The following UNC13C variants were observed in gnomAD, a reference collection of about 807,000 sequenced individuals.
UNC13C encodes protein unc-13 homolog C.
Under a neutral mutation model 245.4 loss-of-function variants are expected in UNC13C, and 174 were observed. The observed-to-expected ratio is 0.71, with a 90% CI of 0.63 to 0.80. The LOEUF (loss-of-function observed/expected upper bound fraction) is 0.80. UNC13C is among the 30% of genes least tolerant of loss of function. The pLI is 0.00. For missense variants in UNC13C, 2,829 were observed against 2,602.9 expected (o/e 1.09, Z -1.89); for synonymous variants, 992 against 895.1 (o/e 1.11, Z -1.93).
chr15:53,864,157 C>T, the UNC13C span, among the ~76,000 whole-genome samples: 1 of 152,116 alleles, frequency 6.6e-6, no homozygotes, highest in Non-Finnish European at 1.5e-5. Flanking sequence ...GTCTCTAGGT[C>T]TTTTTCCAAG....
chr15:54,250,193 C>A, intron 7 of UNC13C, 32 bp from the exon 8 acceptor site: 1 of 1,576,054 alleles, frequency 6.3e-7, no homozygotes, highest in Non-Finnish European at 8.7e-7. Flanking sequence ...ACTGACTTGG[C>A]GGTGCATTGG....
intron 4 of UNC13C, among the ~76,000 whole-genome samples, chr15:54,199,644 CA>C (rs1256113484): frequency 6.6e-6 from 1 of 152,102 alleles, no homozygotes; most frequent in Non-Finnish European, 1.5e-5. Flanking sequence ...CAAATGCTGA[CA>C]GAATTTGCCA....
rs140445387 is a variant in UNC13C at position 54,452,578 on chromosome 15, G to C, written c.4933+37511G>C. ...CAAGATTCCTGGACAGCATGCTCAG[G>C]TACTAGGGGAAGTTGGAGAAAGCCA... On this transcript the variant is annotated intron_variant, in intron 19 of 32. Transcript: ENST00000260323. Among the ~76,000 whole-genome samples the C allele has an allele frequency of 3.9e-5, 6 of 152,318 alleles. No homozygotes were observed. The East Asian group carries it at 9.7e-4, about 25-fold the overall frequency.
intron 19 of UNC13C, among the ~76,000 whole-genome samples, chr15:54,444,383 T>A (rs573623049): frequency 6.6e-6 from 1 of 151,708 alleles, no homozygotes; most frequent in African/African-American, 2.4e-5. Context: ...GTATATGTCT[T>A]TTCCATTCCT....
At chr15:54,582,055 A>G (rs899334476) in intron 30 of UNC13C, among the ~76,000 whole-genome samples, 1 of 151,926 alleles carries the variant, frequency 6.6e-6, no homozygotes, top group Non-Finnish European at 1.5e-5. Context: ...GAAGGAAAGA[A>G]GGAAGGAATT....
At chr15:54,204,131 T>C (rs967786024) in intron 4 of UNC13C, among the ~76,000 whole-genome samples, 2 of 151,406 alleles carry the variant, frequency 1.3e-5, no homozygotes, top group Non-Finnish European at 3.0e-5. Context: ...ACACTGAACT[T>C]TGGGGACTCG....
chr15:54,564,294 C>T (rs1034194901), intron 29 of UNC13C, among the ~76,000 whole-genome samples: 18 of 151,974 alleles, frequency 1.2e-4, no homozygotes, highest in African/African-American at 2.2e-4. Context: ...GAGACTTTAA[C>T]GGAATAACAA....
At chr15:54,603,713 A>T (rs1899586066) in intron 30 of UNC13C, among the ~76,000 whole-genome samples, 1 of 152,030 alleles carries the variant, frequency 6.6e-6, no homozygotes, top group Non-Finnish European at 1.5e-5. Flanking sequence ...AAAATACAAA[A>T]ATTAGCCAGG....
intron 13 of UNC13C, among the ~76,000 whole-genome samples, chr15:54,305,706 C>T (rs576011256): frequency 2.0e-5 from 3 of 152,076 alleles, no homozygotes; most frequent in Admixed American, 6.6e-5. Flanking sequence ...AGTACTTCCT[C>T]TTAATTCTTA....
chr15:54,189,468 G>T (rs2034107495), intron 4 of UNC13C, among the ~76,000 whole-genome samples: 1 of 152,048 alleles, frequency 6.6e-6, no homozygotes, highest in Non-Finnish European at 1.5e-5. Flanking sequence ...AGGAAAATGA[G>T]CTCCACAAGT....
At chr15:53,976,453 TTCTTTCTC>T (rs1370373956), upstream of UNC13C, among the ~76,000 whole-genome samples, 1 of 128,264 alleles carries the variant, frequency 7.8e-6, no homozygotes, top group Non-Finnish European at 1.7e-5. Flanking sequence ...TTTTTTTTTC[TTCTTTCTC>T]TCTCTCTCTC....
intron 4 of UNC13C, among the ~76,000 whole-genome samples, chr15:54,187,425 A>G (rs1001052223): frequency 5.4e-5 from 8 of 148,112 alleles, no homozygotes; most frequent in Non-Finnish European, 1.2e-4. Context: ...CAAAACCATT[A>G]ATAAAAAGGC....
chr15:54,394,698 GAAGA>G (rs2040034792), intron 18 of UNC13C, among the ~76,000 whole-genome samples: 3 of 151,802 alleles, frequency 2.0e-5, no homozygotes, highest in African/African-American at 4.8e-5. Flanking sequence ...TCAGTTCTAT[GAAGA>G]AACTTTGGCT....
At chr15:54,220,467 G>T (rs2035189259) in intron 4 of UNC13C, among the ~76,000 whole-genome samples, 1 of 123,398 alleles carries the variant, frequency 8.1e-6, no homozygotes. Context: ...GAGGGGGGAG[G>T]GATAGCATTA....
At chr15:54,152,813 T>C (rs2032578550) in intron 4 of UNC13C, among the ~76,000 whole-genome samples, 2 of 152,014 alleles carry the variant, frequency 1.3e-5, no homozygotes, top group Admixed American at 1.3e-4. Context: ...CTGTAATTGA[T>C]AATGGCTGTT....
chr15:54,483,747 G>C (rs5017622), intron 19 of UNC13C, among the ~76,000 whole-genome samples: 1 of 151,932 alleles, frequency 6.6e-6, no homozygotes, highest in Non-Finnish European at 1.5e-5. Context: ...GAGCCACTGC[G>C]CCCAGCCCTG....
intron 17 of UNC13C, among the ~76,000 whole-genome samples, chr15:54,384,930 A>T (rs1276191754): frequency 6.6e-6 from 1 of 152,192 alleles, no homozygotes; most frequent in African/African-American, 2.4e-5. Context: ...ACTAATCATC[A>T]GGGAAATGCA....
rs201155701 is a variant in UNC13C, at chr15:54,185,794, G to A, written c.3071+42110G>A. On this transcript the variant is annotated intron_variant, in intron 4 of 32. Coordinates refer to ENST00000260323, the MANE Select transcript of UNC13C (RefSeq NM_001080534.3). ...ATATGAACTTTAAAGTAGTTTTTTCGAATTCTGTGAAGAAAGTCACTGGTA... is the reference window on the plus strand; with the variant it reads ...ATATGAACTTTAAAGTAGTTTTTTCAAATTCTGTGAAGAAAGTCACTGGTA... Among the ~76,000 whole-genome samples the A allele has an allele frequency of 9.6e-4, 145 of 150,894 alleles. 1 individual carries two copies. In the East Asian group the frequency reaches 0.02, roughly 21 times the overall value.
chr15:54,234,206 C>T (rs1215195932), intron 4 of UNC13C, among the ~76,000 whole-genome samples: 2 of 149,814 alleles, frequency 1.3e-5, no homozygotes, highest in East Asian at 1.9e-4. Flanking sequence ...CGTTCATAAA[C>T]ATATATATAT....
Sources: allele counts gnomAD v4.1 joint callset (sites outside exome capture counted in the v4.1 genomes callset), GRCh38; gene constraint gnomAD v4.1.1; transcripts MANE v1.5; gene names NCBI Gene and HGNC (gene_info 2026-07-23, HGNC 2026-07-21).